The following MAK variants were observed in gnomAD, a reference collection of about 807,000 sequenced individuals.
MAK encodes the protein serine/threonine-protein kinase MAK.
A neutral mutation model predicts 82.6 loss-of-function variants in MAK; 65 were observed. That is an observed-to-expected ratio of 0.79 (90% CI 0.64 to 0.97). The LOEUF is 0.97. Ranked by LOEUF, MAK falls within the 50% of genes least tolerant of loss-of-function variation. The pLI is 0.00. For synonymous variants in MAK, 250 were observed against 274.2 expected, an observed-to-expected ratio of 0.91 and a Z score of 0.87; for missense variants, 703 against 780.2, an observed-to-expected ratio of 0.90 and a Z score of 1.18.
intron 2 of MAK, among the ~76,000 whole-genome samples, chr6:10,820,921 G>A (rs1051122214): frequency 6.6e-6 from 1 of 152,140 alleles, no homozygotes; most frequent in Non-Finnish European, 1.5e-5. Context: ...ATGTGAAACT[G>A]CACATATAAT....
chr6:10,773,878 T>G (rs776755234), intron 12 of MAK, among the ~76,000 whole-genome samples: 30 of 151,988 alleles, frequency 2.0e-4, no homozygotes, highest in Non-Finnish European at 3.8e-4. Flanking sequence ...TGTGTGTATT[T>G]TTAGTAGAGA....
At chr6:10,807,027 A>G (rs1184737797) in intron 6 of MAK, among the ~76,000 whole-genome samples, 2 of 151,908 alleles carry the variant, frequency 1.3e-5, no homozygotes, top group African/African-American at 4.8e-5. Context: ...ATTTCTCACT[A>G]CCTGCATGGC....
intron 6 of MAK, among the ~76,000 whole-genome samples, chr6:10,807,555 G>A (rs976093635): frequency 1.3e-5 from 2 of 151,324 alleles, no homozygotes; most frequent in African/African-American, 4.8e-5. Context: ...TGGCCAGGCT[G>A]GTCTCGAACT....
At chr6:10,766,945 A>C (rs1048418462) in intron 14 of MAK, among the ~76,000 whole-genome samples, 3 of 152,202 alleles carry the variant, frequency 2.0e-5, no homozygotes, top group Non-Finnish European at 4.4e-5. Flanking sequence ...GGTAGTGTTG[A>C]GATTTAGGAT....
intron 5 of MAK, among the ~76,000 whole-genome samples, chr6:10,813,084 T>TCA (rs1777092423): frequency 2.3e-5 from 1 of 44,008 alleles, no homozygotes. Context: ...TGTTATGTAT[T>TCA]TTTATATATA....
intron 7 of MAK, 158 bp from the exon 8 acceptor site, chr6:10,802,217 T>C (rs2127556554): frequency 1.6e-6 from 1 of 616,812 alleles, no homozygotes; most frequent in Non-Finnish European, 2.8e-6. Context: ...ACCACGTCTA[T>C]AATTTAGTGC....
intron 14 of MAK, 86 bp from the exon 15 acceptor site, chr6:10,764,692 G>A (rs1772237396): frequency 8.0e-7 from 1 of 1,242,786 alleles, no homozygotes; most frequent in East Asian, 2.3e-5. Context: ...TCATTTGATG[G>A]GGAAAATCTG....
chr6:10,777,422 A>G (rs529527325), intron 11 of MAK, among the ~76,000 whole-genome samples: 3,686 of 152,106 alleles, frequency 0.024, 66 homozygotes, highest in Non-Finnish European at 0.036. Context: ...AAAAAAAAAA[A>G]ATGTATTTAC....
chr6:10,832,758 C>T lies in MAK; in HGVS notation c.-229-1881G>A, dbSNP rs77635597. On this transcript the variant is annotated intron_variant, in intron 1 of 14. Transcript: ENST00000354489. Reference sequence around the variant, plus strand: ...AAGTGATCCACCTGCCTCCACCTCCCGATGTGTTGGGATTACAGGTGTGAG... The same window carrying T: ...AAGTGATCCACCTGCCTCCACCTCCTGATGTGTTGGGATTACAGGTGTGAG... 4.8e-3 allele frequency among the ~76,000 whole-genome samples: 724 copies of T among 152,300 alleles called. 4 individuals are homozygous for T. Among genetic ancestry groups the T allele is most frequent in the African/African-American group, 0.017 (693 of 41,558 alleles).
At chr6:10,788,926 A>G (rs764177706) in intron 10 of MAK, among the ~76,000 whole-genome samples, 6 of 152,172 alleles carry the variant, frequency 3.9e-5, no homozygotes, top group Non-Finnish European at 7.3e-5. Flanking sequence ...AGATAGAAAC[A>G]GTATTTTATA....
intron 5 of MAK, among the ~76,000 whole-genome samples, chr6:10,812,454 T>C (rs538878003): frequency 1.3e-5 from 2 of 152,244 alleles, no homozygotes; most frequent in African/African-American, 4.8e-5. Flanking sequence ...TCATAGAAAA[T>C]AGATCAAGTA....
intron 8 of MAK, among the ~76,000 whole-genome samples, chr6:10,798,624 A>G (rs768637994): frequency 1.1e-4 from 16 of 151,920 alleles, no homozygotes; most frequent in Non-Finnish European, 2.1e-4. Context: ...ACTTTTCGGT[A>G]TTTTTTTCTC....
intron 11 of MAK, among the ~76,000 whole-genome samples, chr6:10,782,703 G>A (rs1444964539): frequency 2.0e-5 from 3 of 150,656 alleles, no homozygotes; most frequent in Non-Finnish European, 2.9e-5. Flanking sequence ...TCAGCCTCCC[G>A]AGTAGCTGGG....
chr6:10,775,484 CAA>C, intron 11 of MAK, 25 bp from the exon 12 acceptor site: 1 of 1,609,402 alleles, frequency 6.2e-7, no homozygotes, highest in South Asian at 1.1e-5. Context: ...ACAACCACTT[CAA>C]AGGTTAGAGC....
At chr6:10,773,471 A>G (rs1438172623) in intron 12 of MAK, among the ~76,000 whole-genome samples, 1 of 152,220 alleles carries the variant, frequency 6.6e-6, no homozygotes, top group Non-Finnish European at 1.5e-5. Context: ...GCCCAAATAT[A>G]TTGATGTCAC....
At chr6:10,790,598 G>A (rs974552262) in intron 10 of MAK, among the ~76,000 whole-genome samples, 4 of 152,234 alleles carry the variant, frequency 2.6e-5, no homozygotes, top group Admixed American at 2.6e-4. Flanking sequence ...CGAGGAGGCA[G>A]TTAGTGAAAT....
intron 7 of MAK, among the ~76,000 whole-genome samples, chr6:10,803,238 A>T (rs1233112615): frequency 6.6e-6 from 1 of 152,122 alleles, no homozygotes; most frequent in Non-Finnish European, 1.5e-5. Context: ...CACTCCGATT[A>T]AAAAAATAAG....
At chr6:10,790,080 T>C (rs1453862877) in intron 10 of MAK, among the ~76,000 whole-genome samples, 1 of 152,252 alleles carries the variant, frequency 6.6e-6, no homozygotes, top group African/African-American at 2.4e-5. Context: ...GTTTTCTGAT[T>C]TGTCCCTTTA....
chr6:10,787,911 T>C (rs1377577198), intron 10 of MAK, among the ~76,000 whole-genome samples: 2 of 151,528 alleles, frequency 1.3e-5, no homozygotes, highest in Non-Finnish European at 2.9e-5. Flanking sequence ...TTCACTGTCA[T>C]ACAGTTTTTC....
Sources: gnomAD v4.1 joint callset for allele counts (sites outside exome capture counted in the v4.1 genomes callset) on GRCh38, gnomAD v4.1.1 for gene constraint, MANE v1.5 for transcripts, NCBI Gene and HGNC (gene_info 2026-07-23, HGNC 2026-07-21) for gene names.